The following SUGCT variants were observed in gnomAD, a reference collection of about 807,000 sequenced individuals.
The protein encoded by SUGCT is succinyl-CoA:glutarate-CoA transferase, also known as succinyl-CoA:glutarate CoA-transferase.
Under a neutral mutation model 55.0 loss-of-function variants are expected in SUGCT, and 41 were observed. The observed-to-expected ratio is 0.74, with a 90% confidence interval of 0.58 to 0.97. The LOEUF (loss-of-function observed/expected upper bound fraction) is 0.97, where lower values mean the gene tolerates loss of function less well. Ranked by LOEUF, SUGCT falls within the 50% of genes least tolerant of loss-of-function variation. SUGCT has a pLI of 0.00. For synonymous variants in SUGCT, 187 were observed against 200.4 expected, an observed-to-expected ratio of 0.93 and a Z score of 0.56; for missense variants, 568 against 547.8, an observed-to-expected ratio of 1.04 and a Z score of -0.37.
intron 12 of SUGCT, among the ~76,000 whole-genome samples, chr7:40,650,702 C>T (rs1800734980): frequency 6.6e-6 from 1 of 152,126 alleles, no homozygotes; most frequent in South Asian, 2.1e-4. Flanking sequence ...ATGACTTTTT[C>T]ACTCAACTTT....
intron 8 of SUGCT, among the ~76,000 whole-genome samples, chr7:40,308,270 A>C (rs988997234): frequency 7.2e-5 from 11 of 152,068 alleles, no homozygotes; most frequent in Non-Finnish European, 1.3e-4. Flanking sequence ...AACAGAGAGG[A>C]GTTAGTGGCT....
chr7:40,502,984 T>C (rs191970899), intron 12 of SUGCT, among the ~76,000 whole-genome samples: 10 of 152,272 alleles, frequency 6.6e-5, no homozygotes, highest in African/African-American at 2.2e-4. Context: ...CCTCCTAAAT[T>C]TGTATTGGAA....
At chr7:40,915,160 G>A in the SUGCT span, among the ~76,000 whole-genome samples, 3 of 152,148 alleles carry the variant, frequency 2.0e-5, no homozygotes, top group Non-Finnish European at 2.9e-5. Flanking sequence ...GGTGCGGCTG[G>A]TTGGTGCCTG....
At position 40,854,391 on chromosome 7, in the gene SUGCT, ATTTT is replaced by A. The variant is rs1416656815; in HGVS notation, c.1154-5921_1154-5918del. ...TAGCAGGTCCTTATTGTGTATCAAA[ATTTT>A]TTTCTTTCTTTCTTTCTTTCTTTCC... On this transcript the variant is annotated intron_variant, in intron 13 of 13. Coordinates refer to ENST00000335693, the MANE Select transcript of SUGCT (RefSeq NM_001193313.2). Among the ~76,000 whole-genome samples, 324 of 125,040 alleles carry A rather than the reference ATTTT, an allele frequency of 2.6e-3. 2 individuals are homozygous for A. The highest frequency in any genetic ancestry group is 5.8e-3 in the African/African-American group (197 of 33,734). 82.0% of individuals were successfully genotyped at this position (125,040 alleles called of 152,430 possible). A position where few individuals can be genotyped will look rare whatever the true frequency, so the allele number is the denominator to read the frequency against.
rs186090764 is a variant in SUGCT at position 40,771,066 on chromosome 7, A to G, written c.1153+21569A>G. 1.8e-4 allele frequency among the ~76,000 whole-genome samples: 28 copies of G among 152,342 alleles called. 1 individual carries two copies. In the East Asian group the frequency reaches 5.2e-3, roughly 28 times the overall value. ...ATGAGCAGATAATTTAATTTCATGTATACAATATTTTATGCTTTTAAAAGT... is the reference window on the plus strand; with the variant it reads ...ATGAGCAGATAATTTAATTTCATGTGTACAATATTTTATGCTTTTAAAAGT... On this transcript the variant is annotated intron_variant, in intron 13 of 13. Transcript: ENST00000335693.
chr7:40,573,360 AT>A (rs1298371471), intron 12 of SUGCT, among the ~76,000 whole-genome samples: 1 of 152,204 alleles, frequency 6.6e-6, no homozygotes, highest in Non-Finnish European at 1.5e-5. Flanking sequence ...TCCTTGAATC[AT>A]TTAGTATCAG....
intron 9 of SUGCT, among the ~76,000 whole-genome samples, chr7:40,319,822 G>A (rs190253398): frequency 6.6e-6 from 1 of 152,178 alleles, no homozygotes; most frequent in Non-Finnish European, 1.5e-5. Flanking sequence ...AGATATTTAT[G>A]TATTTATTTA....
chr7:40,735,603 C>T (rs1787112756), intron 12 of SUGCT, among the ~76,000 whole-genome samples: 1 of 152,050 alleles, frequency 6.6e-6, no homozygotes. Flanking sequence ...TTACAAGAAT[C>T]CTGAAGTCCA....
At chr7:40,145,239 A>C (rs1788183685) in intron 1 of SUGCT, among the ~76,000 whole-genome samples, 1 of 152,214 alleles carries the variant, frequency 6.6e-6, no homozygotes, top group Admixed American at 6.5e-5. Flanking sequence ...TTTTACCAAA[A>C]GTATATTTAC....
chr7:40,320,550 C>T (rs1562677091), intron 9 of SUGCT, among the ~76,000 whole-genome samples: 1 of 152,274 alleles, frequency 6.6e-6, no homozygotes, highest in East Asian at 1.9e-4. Flanking sequence ...GTCAGTGGGG[C>T]CACTGCCCTT....
At chr7:40,951,413 G>T in the SUGCT span, among the ~76,000 whole-genome samples, 157 of 152,166 alleles carry the variant, frequency 1.0e-3, 1 homozygote, top group African/African-American at 3.5e-3. Context: ...CCAGCTCCCA[G>T]ATTCATTGAT....
chr7:40,338,370 C>G (rs1796837321), intron 9 of SUGCT, among the ~76,000 whole-genome samples: 1 of 152,208 alleles, frequency 6.6e-6, no homozygotes, highest in Non-Finnish European at 1.5e-5. Flanking sequence ...TTCTCCCCGT[C>G]ACTTTCAGGT....
chr7:40,993,965 T>C, the SUGCT span, among the ~76,000 whole-genome samples: 1 of 151,850 alleles, frequency 6.6e-6, no homozygotes, highest in Admixed American at 6.6e-5. Context: ...GGGACAAGAG[T>C]TGTAAGGCAG....
the SUGCT span, among the ~76,000 whole-genome samples, chr7:40,947,742 G>A: frequency 6.6e-6 from 1 of 152,064 alleles, no homozygotes; most frequent in Admixed American, 6.6e-5. Context: ...AGTTAGCTTG[G>A]CAGTCCACTA....
chr7:40,368,536 A>C (rs1583528561), intron 9 of SUGCT, among the ~76,000 whole-genome samples: 2 of 152,260 alleles, frequency 1.3e-5, no homozygotes, highest in Middle Eastern at 3.4e-3. Flanking sequence ...TTACTTACAC[A>C]GAAGCTGATA....
intron 8 of SUGCT, among the ~76,000 whole-genome samples, chr7:40,280,978 G>A (rs1333761843): frequency 3.3e-5 from 5 of 152,152 alleles, no homozygotes; most frequent in South Asian, 2.1e-4. Context: ...TATGACTTCC[G>A]TGGGCCCTGG....
chr7:40,354,756 G>T (rs529579757), intron 9 of SUGCT, among the ~76,000 whole-genome samples: 6 of 152,312 alleles, frequency 3.9e-5, no homozygotes, highest in African/African-American at 1.4e-4. Context: ...GAATAATGAG[G>T]AGTATAGGAA....
chr7:40,947,136 ATTTTTCTTTCTGT>A, the SUGCT span, among the ~76,000 whole-genome samples: 2 of 151,924 alleles, frequency 1.3e-5, no homozygotes, highest in Non-Finnish European at 2.9e-5. Flanking sequence ...CTGAGACTCT[ATTTTTCTTTCTGT>A]TTTTCAGACT....
chr7:40,271,300 T>G (rs920972682), intron 7 of SUGCT, among the ~76,000 whole-genome samples: 1 of 152,158 alleles, frequency 6.6e-6, no homozygotes, highest in Non-Finnish European at 1.5e-5. Flanking sequence ...ATTTTTTTTC[T>G]TTTGTAAAAT....
Sources: gnomAD v4.1 joint callset for allele counts (sites outside exome capture counted in the v4.1 genomes callset) on GRCh38, gnomAD v4.1.1 for gene constraint, MANE v1.5 for transcripts, NCBI Gene and HGNC (gene_info 2026-07-23, HGNC 2026-07-21) for gene names.